WWP1: variants seen among roughly 807,000 people sequenced by gnomAD.
WWP1 encodes the protein NEDD4-like E3 ubiquitin-protein ligase WWP1.
WWP1 carries 49 observed loss-of-function variants against 130.6 expected under a neutral mutation model. The observed-to-expected ratio is 0.38, with a 90% CI of 0.30 to 0.48. WWP1 has a LOEUF of 0.48. Among genes scored for constraint, WWP1 ranks in the 20% least tolerant of loss-of-function variants. The pLI is 0.99. For synonymous variants in WWP1, 332 were observed against 367.8 expected (o/e 0.90, Z 1.11); for missense variants, 809 against 1,100.6 (o/e 0.74, Z 3.75).
At chr8:86,463,416 C>T (rs935368136) in intron 24 of WWP1, among the ~76,000 whole-genome samples, 8 of 152,032 alleles carry the variant, frequency 5.3e-5, no homozygotes, top group African/African-American at 1.9e-4. Context: ...AAGCGATTCT[C>T]CTGCCTCAGC....
chr8:86,445,980 T>TCTTTTCTTTTCTTTTC (rs60931992), intron 18 of WWP1, among the ~76,000 whole-genome samples: 1 of 60,024 alleles, frequency 1.7e-5, no homozygotes, highest in African/African-American at 5.4e-5. Context: ...TCTTTTCTTT[T>TCTTTTCTTTTCTTTTC]TTTTTTTTTT....
At chr8:86,389,881 GC>G (rs1447966569) in intron 5 of WWP1, among the ~76,000 whole-genome samples, 1 of 150,400 alleles carries the variant, frequency 6.6e-6, no homozygotes. Context: ...GGCGGGGGCT[GC>G]CCCCCACCTC....
intron 21 of WWP1, among the ~76,000 whole-genome samples, chr8:86,457,409 A>G (rs1811508369): frequency 6.6e-6 from 1 of 150,394 alleles, no homozygotes; most frequent in South Asian, 2.1e-4. Flanking sequence ...GGGGAGATCT[A>G]TCTGTCTGTC....
intron 24 of WWP1, among the ~76,000 whole-genome samples, chr8:86,464,099 G>T (rs1811910626): frequency 6.6e-6 from 1 of 152,024 alleles, no homozygotes; most frequent in African/African-American, 2.4e-5. Flanking sequence ...GCAAGAAGAG[G>T]AAACAGTAGA....
chr8:86,350,211 C>T (rs751337671), intron 1 of WWP1, among the ~76,000 whole-genome samples: 4 of 152,140 alleles, frequency 2.6e-5, no homozygotes, highest in Non-Finnish European at 2.9e-5. Flanking sequence ...GGGTTTTTCT[C>T]GCATTATCAC....
intron 7 of WWP1, among the ~76,000 whole-genome samples, chr8:86,399,533 A>G (rs1036114063): frequency 3.3e-5 from 5 of 152,326 alleles, no homozygotes; most frequent in East Asian, 3.9e-4. Context: ...TTATTAATCT[A>G]TAGTTACTAG....
rs187810777 is a variant in WWP1, at chr8:86,363,810, A to G, written c.-114-5129A>G. On this transcript the variant is annotated intron_variant, in intron 1 of 24. Coordinates refer to ENST00000517970, the MANE Select transcript of WWP1 (RefSeq NM_007013.4). Reference sequence around the variant, plus strand: ...ACTCCATCTCAAAAAAAAAAAAAAAAAAAAGAAATTTGTCTGTGGTCTTGC... The same window carrying G: ...ACTCCATCTCAAAAAAAAAAAAAAAGAAAAGAAATTTGTCTGTGGTCTTGC... Among the ~76,000 whole-genome samples the G allele has an allele frequency of 2.4e-3, 360 of 151,958 alleles. 2 individuals are homozygous for G. Among genetic ancestry groups the G allele is most frequent in the East Asian group, 0.024 (122 of 5,174 alleles).
intron 2 of WWP1, among the ~76,000 whole-genome samples, chr8:86,370,447 A>T (rs1824220520): frequency 6.6e-6 from 1 of 152,088 alleles, no homozygotes; most frequent in South Asian, 2.1e-4. Flanking sequence ...TTTCCATAAG[A>T]TTCATAGAGT....
At chr8:86,355,595 G>A (rs1188230725) in intron 1 of WWP1, among the ~76,000 whole-genome samples, 1 of 152,184 alleles carries the variant, frequency 6.6e-6, no homozygotes, top group Non-Finnish European at 1.5e-5. Flanking sequence ...GAGTGAGAAT[G>A]TCATGTTGTC....
intron 1 of WWP1, among the ~76,000 whole-genome samples, chr8:86,357,482 C>T (rs1174542898): frequency 3.3e-5 from 5 of 152,204 alleles, no homozygotes; most frequent in South Asian, 2.1e-4. Flanking sequence ...TTTTACTGCT[C>T]GTATTTACTT....
chr8:86,414,143 T>C (rs905790825), intron 9 of WWP1, among the ~76,000 whole-genome samples: 1 of 152,054 alleles, frequency 6.6e-6, no homozygotes, highest in African/African-American at 2.4e-5. Context: ...CATAATGAAA[T>C]AAAGAAATAT....
chr8:86,355,429 A>G (rs1320972145), intron 1 of WWP1, among the ~76,000 whole-genome samples: 2 of 152,248 alleles, frequency 1.3e-5, no homozygotes, highest in Non-Finnish European at 2.9e-5. Context: ...GTGTATTTCA[A>G]GAATGCCAAA....
Position 86,350,424 on chromosome 8 carries a change from C to T in WWP1, c.-115+7494C>T, listed in dbSNP as rs181596232. On this transcript the variant is annotated intron_variant, in intron 1 of 24. Coordinates refer to ENST00000517970, the MANE Select transcript of WWP1 (RefSeq NM_007013.4). ...AATTTAGGTTATTAGTGCATAGCTG[C>T]GAAGCATTTTTGAAGCATTTCATGT... Among the ~76,000 whole-genome samples, 368 of 152,210 alleles carry T rather than the reference C, an allele frequency of 2.4e-3. 1 individual carries two copies. The highest frequency in any genetic ancestry group is 4.6e-3 in the Non-Finnish European group (312 of 68,014).
intron 1 of WWP1, among the ~76,000 whole-genome samples, chr8:86,361,060 T>C (rs1823564939): frequency 1.3e-5 from 2 of 152,154 alleles, no homozygotes; most frequent in African/African-American, 4.8e-5. Flanking sequence ...TTGGATTTAT[T>C]GTAGTTAAAA....
rs140825868 is a variant in WWP1, at chr8:86,352,176, T to G, written c.-115+9246T>G. On this transcript the variant is annotated intron_variant, in intron 1 of 24. Transcript: ENST00000517970. The stretch of plus-strand genomic sequence containing the variant: ...CCTCCCACCTTAGCCTCCCTAGTAG[T>G]TGGGAGTACAGGTGTGTGCCGCGAC... 4.0e-4 allele frequency among the ~76,000 whole-genome samples: 61 copies of G among 151,734 alleles called. 1 individual carries two copies. Among genetic ancestry groups the G allele is most frequent in the African/African-American group, 1.4e-3 (59 of 41,394 alleles).
rs957670842 is a variant in WWP1 at position 86,400,862 on chromosome 8, A to G, written c.540-1157A>G. 5.2e-4 allele frequency among the ~76,000 whole-genome samples: 79 copies of G among 152,204 alleles called. 1 individual carries two copies. Among genetic ancestry groups the G allele is most frequent in the Non-Finnish European group, 1.2e-4 (8 of 68,032 alleles). On this transcript the variant is annotated intron_variant, in intron 7 of 24. Transcript: ENST00000517970. ...CTGATTTTCAAAAGATTTGTTGGCT[A>G]ACCAGGAGAGTGACGTGATGACCTG...
chr8:86,466,702 C>T, intron 24 of WWP1, 92 bp from the exon 25 acceptor site: 2 of 803,258 alleles, frequency 2.5e-6, no homozygotes, highest in East Asian at 2.6e-5. Flanking sequence ...ATACATATAT[C>T]CATTCAGCAT....
At chr8:86,367,091 T>G (rs1397992098) in intron 1 of WWP1, among the ~76,000 whole-genome samples, 10 of 152,234 alleles carry the variant, frequency 6.6e-5, no homozygotes, top group Non-Finnish European at 1.2e-4. Flanking sequence ...TCTAACCTTT[T>G]AGGTTCCACA....
At chr8:86,418,237 A>G (rs896778387) in intron 9 of WWP1, among the ~76,000 whole-genome samples, 2 of 152,128 alleles carry the variant, frequency 1.3e-5, no homozygotes, top group African/African-American at 2.4e-5. Flanking sequence ...CTGTTAGTAT[A>G]CTGATTTGCA....
Sources: allele counts gnomAD v4.1 joint callset (sites outside exome capture counted in the v4.1 genomes callset), GRCh38; gene constraint gnomAD v4.1.1; transcripts MANE v1.5; gene names NCBI Gene and HGNC (gene_info 2026-07-23, HGNC 2026-07-21).